DTNB: variants seen among roughly 807,000 people sequenced by gnomAD.
The protein encoded by DTNB is dystrobrevin beta.
A neutral mutation model predicts 90.7 loss-of-function variants in DTNB; 63 were observed. That is an observed-to-expected ratio of 0.69 (90% confidence interval 0.57 to 0.86). The LOEUF (loss-of-function observed/expected upper bound fraction) is 0.86, where lower values mean the gene tolerates loss of function less well. DTNB is among the 40% of genes least tolerant of loss of function. The pLI is 0.00. For missense variants in DTNB, 744 were observed against 807.1 expected (o/e 0.92, Z 0.95); for synonymous variants, 277 against 286.7 (o/e 0.97, Z 0.34).
intron 9 of DTNB, among the ~76,000 whole-genome samples, chr2:25,500,137 G>A (rs1177130628): frequency 1.3e-5 from 2 of 152,092 alleles, no homozygotes; most frequent in Non-Finnish European, 2.9e-5. Flanking sequence ...TCTGGCCTCA[G>A]CAATCCTCCT....
chr2:25,663,186 G>A (rs2083627483), intron 1 of DTNB, among the ~76,000 whole-genome samples: 1 of 152,034 alleles, frequency 6.6e-6, no homozygotes, highest in African/African-American at 2.4e-5. Context: ...TCCTGTGTTG[G>A]TCTGCTGAGA....
At chr2:25,408,538 C>CAAAAAAAAAAAAA (rs11395783) in intron 16 of DTNB, among the ~76,000 whole-genome samples, 1 of 32,728 alleles carries the variant, frequency 3.1e-5, no homozygotes, top group African/African-American at 9.4e-5. Context: ...GACTCCATCT[C>CAAAAAAAAAAAAA]AAAAAAAAAA....
Position 25,482,781 on chromosome 2 carries a change from AC to A in DTNB, c.1079+14del. 6.2e-7 allele frequency: 1 copy of A among 1,613,612 alleles called. No individual in the cohort carries two copies. The highest frequency in any genetic ancestry group is 8.5e-7 in the Non-Finnish European group (1 of 1,179,710). On this transcript the variant is annotated intron_variant, in intron 10 of 20. Transcript: ENST00000406818. ...AGAGGCCAACACCCAAGTCGAAGGC[AC>A]AAGACATACGTACCTCTTGGTGGGA...
intron 6 of DTNB, among the ~76,000 whole-genome samples, chr2:25,590,240 T>C (rs1268851906): frequency 6.6e-6 from 1 of 152,214 alleles, no homozygotes; most frequent in African/African-American, 2.4e-5. Flanking sequence ...GCCCACAACA[T>C]GGCAAGCAAG....
At position 25,406,466 on chromosome 2, in the gene DTNB, C is replaced by T. The variant is rs1036471681; in HGVS notation, c.1575+13049G>A. On this transcript the variant is annotated intron_variant, in intron 16 of 20. Transcript: ENST00000406818. Reference sequence around the variant, plus strand: ...AGGAGAATCGCTTGAACCTGGGAGGCGGAGGTTGCGGTGAGCCGAGATCGT... The same window carrying T: ...AGGAGAATCGCTTGAACCTGGGAGGTGGAGGTTGCGGTGAGCCGAGATCGT... 6.8e-5 allele frequency among the ~76,000 whole-genome samples: 10 copies of T among 147,802 alleles called. No individual in the cohort carries two copies. In the East Asian group the frequency reaches 1.6e-3, roughly 24 times the overall value.
intron 9 of DTNB, among the ~76,000 whole-genome samples, chr2:25,490,937 A>C (rs1374803598): frequency 1.3e-5 from 2 of 152,168 alleles, no homozygotes; most frequent in African/African-American, 2.4e-5. Flanking sequence ...TCAAATGTTA[A>C]GATAAGTGGA....
At chr2:25,498,783 G>A (rs1159287131) in intron 9 of DTNB, among the ~76,000 whole-genome samples, 3 of 145,934 alleles carry the variant, frequency 2.1e-5, no homozygotes, top group Admixed American at 6.9e-5. Flanking sequence ...GGGAGGTTGA[G>A]GCTGCAGGGA....
At chr2:25,484,041 G>A (rs1254389112) in intron 9 of DTNB, among the ~76,000 whole-genome samples, 1 of 152,106 alleles carries the variant, frequency 6.6e-6, no homozygotes, top group African/African-American at 2.4e-5. Flanking sequence ...ACACATACTT[G>A]GATGGTTTTG....
At chr2:25,569,369 T>C (rs2059495232) in intron 8 of DTNB, among the ~76,000 whole-genome samples, 2 of 152,198 alleles carry the variant, frequency 1.3e-5, no homozygotes, top group Admixed American at 6.5e-5. Flanking sequence ...AGAAGACTGA[T>C]ATAACCTTGC....
At chr2:25,442,123 A>G (rs570445286) in intron 12 of DTNB, among the ~76,000 whole-genome samples, 4 of 152,244 alleles carry the variant, frequency 2.6e-5, no homozygotes, top group Non-Finnish European at 5.9e-5. Flanking sequence ...TTCTAGTTCA[A>G]CGTTGAGCTA....
intron 12 of DTNB, among the ~76,000 whole-genome samples, chr2:25,436,600 C>G (rs898134380): frequency 6.6e-6 from 1 of 151,814 alleles, no homozygotes. Context: ...GGGTAAGAGG[C>G]TTTTTACCAA....
At chr2:25,439,677 GTA>G (rs1325257888) in intron 12 of DTNB, among the ~76,000 whole-genome samples, 1 of 152,156 alleles carries the variant, frequency 6.6e-6, no homozygotes, top group Non-Finnish European at 1.5e-5. Flanking sequence ...AGACGAATTA[GTA>G]ATCCTAGCTT....
At chr2:25,543,283 TAG>T (rs1558963435) in intron 8 of DTNB, among the ~76,000 whole-genome samples, 2 of 151,380 alleles carry the variant, frequency 1.3e-5, no homozygotes, top group East Asian at 2.0e-4. Context: ...GTAAACAGCA[TAG>T]AGACAGGTTT....
At chr2:25,442,694 A>G (rs1275267254) in intron 12 of DTNB, among the ~76,000 whole-genome samples, 1 of 152,264 alleles carries the variant, frequency 6.6e-6, no homozygotes, top group African/African-American at 2.4e-5. Context: ...GACTGTAAGA[A>G]TGGAAAGTGA....
In DTNB at chr2:25,580,735, G is replaced by A; in HGVS notation, c.695C>T (p.Ala232Val). Residue 232 changes from alanine to valine, a missense_variant, in exon 7 of 21, where the codon GCC (alanine) becomes GTC (valine). Physicochemically the swap from Ala to Val is moderately conservative, Grantham distance 64. Transcript: ENST00000406818. Reference protein sequence around the residue: ...LVWLPLMHRLAHVENVFHPVE... With the variant: ...LVWLPLMHRLVHVENVFHPVE... ...GTTCTGCTTACCATTCTCAACATGG[G>A]CAAGCCTGTGCATGAGAGGTAGCCA... The A allele has an allele frequency of 1.9e-6, 3 of 1,613,460 alleles. No homozygotes were observed. Among genetic ancestry groups the A allele is most frequent in the Non-Finnish European group, 2.5e-6 (3 of 1,179,504 alleles).
chr2:25,419,608 C>T, intron 15 of DTNB, 73 bp from the exon 16 acceptor site: 2 of 1,527,888 alleles, frequency 1.3e-6, no homozygotes, highest in Non-Finnish European at 1.8e-6. Context: ...ATGCCCATCA[C>T]CACAAACATT....
At chr2:25,601,965 T>C (rs527406237) in intron 5 of DTNB, among the ~76,000 whole-genome samples, 8 of 151,546 alleles carry the variant, frequency 5.3e-5, no homozygotes, top group Admixed American at 2.0e-4. Flanking sequence ...CTACTGAAAA[T>C]ACAAAAATTA....
chr2:25,426,749 A>C (rs183939152), intron 15 of DTNB: 1 of 152,160 alleles, frequency 6.6e-6, no homozygotes, highest in African/African-American at 2.4e-5. Context: ...CCCCTCTTAG[A>C]TATCTTTATA....
intron 8 of DTNB, among the ~76,000 whole-genome samples, chr2:25,567,154 A>T (rs564189845): frequency 4.6e-5 from 7 of 152,330 alleles, no homozygotes; most frequent in African/African-American, 1.4e-4. Flanking sequence ...ATTGTCTTAT[A>T]AGTTAAAAAA....
Sources: gnomAD v4.1 joint callset for allele counts (sites outside exome capture counted in the v4.1 genomes callset) on GRCh38, gnomAD v4.1.1 for gene constraint, MANE v1.5 for transcripts, NCBI Gene and HGNC (gene_info 2026-07-23, HGNC 2026-07-21) for gene names.